Variants in EDIL3 observed in about 807,000 individuals in gnomAD.
EDIL3 encodes the protein EGF like and discoidin domains 3, also known as EGF-like repeat and discoidin I-like domain-containing protein 3.
In EDIL3, 37 loss-of-function variants were observed where a neutral mutation model predicts 67.4. The observed-to-expected ratio is 0.55, with a 90% CI of 0.42 to 0.72. The LOEUF is 0.72. EDIL3 is among the 30% of genes least tolerant of loss of function. The probability of loss-of-function intolerance (pLI) is 0.00; values close to 1 mark genes in which losing one functional copy is unlikely to be tolerated. For synonymous variants in EDIL3, 195 were observed against 196.3 expected (o/e 0.99, Z 0.05); for missense variants, 527 against 586.3 (o/e 0.90, Z 1.04).
intron 5 of EDIL3, among the ~76,000 whole-genome samples, chr5:84,116,501 C>G (rs1476370443): frequency 6.6e-6 from 1 of 152,094 alleles, no homozygotes; most frequent in Non-Finnish European, 1.5e-5. Context: ...CAATTAATTT[C>G]AAAGCCTGCT....
chr5:84,355,810 C>A (rs959271452), intron 1 of EDIL3, among the ~76,000 whole-genome samples: 1 of 152,140 alleles, frequency 6.6e-6, no homozygotes, highest in African/African-American at 2.4e-5. Context: ...AGAGCTCAAG[C>A]ACTGTGCTGG....
At chr5:84,033,602 G>A (rs1358773382) in intron 9 of EDIL3, among the ~76,000 whole-genome samples, 1 of 151,366 alleles carries the variant, frequency 6.6e-6, no homozygotes, top group Non-Finnish European at 1.5e-5. Context: ...TACTTGTGAG[G>A]TTGAGGTGGG....
At chr5:84,056,899 C>A (rs150031582) in intron 9 of EDIL3, among the ~76,000 whole-genome samples, 1 of 152,124 alleles carries the variant, frequency 6.6e-6, no homozygotes, top group Admixed American at 6.6e-5. Flanking sequence ...AAAAGAAAAT[C>A]ACCCCATACA....
chr5:84,352,381 A>G (rs1173084894), intron 1 of EDIL3, among the ~76,000 whole-genome samples: 1 of 152,174 alleles, frequency 6.6e-6, no homozygotes, highest in African/African-American at 2.4e-5. Flanking sequence ...CATGGAATCA[A>G]CCTGAGTGTC....
At chr5:84,364,802 G>A (rs1222932913) in intron 1 of EDIL3, among the ~76,000 whole-genome samples, 1 of 151,852 alleles carries the variant, frequency 6.6e-6, no homozygotes, top group Non-Finnish European at 1.5e-5. Flanking sequence ...TTAGAAATAG[G>A]TACAAATTGA....
intron 4 of EDIL3, among the ~76,000 whole-genome samples, chr5:84,137,690 G>A (rs1748118405): frequency 6.6e-6 from 1 of 152,130 alleles, no homozygotes. Flanking sequence ...ATAGAAAGAT[G>A]AATTGGTTTC....
intron 4 of EDIL3, among the ~76,000 whole-genome samples, chr5:84,163,045 C>T (rs570772417): frequency 1.4e-4 from 21 of 152,154 alleles, no homozygotes; most frequent in African/African-American, 5.1e-4. Context: ...GGAAAACAGA[C>T]AGTGGGCTTT....
intron 4 of EDIL3, among the ~76,000 whole-genome samples, chr5:84,159,721 A>G (rs1419356093): frequency 6.6e-6 from 1 of 152,068 alleles, no homozygotes; most frequent in East Asian, 1.9e-4. Context: ...TACAATAAAC[A>G]TTTTTAAAGC....
chr5:84,345,096 T>C (rs1222764997), intron 1 of EDIL3, among the ~76,000 whole-genome samples: 1 of 152,168 alleles, frequency 6.6e-6, no homozygotes, highest in East Asian at 1.9e-4. Context: ...TACACAGACA[T>C]AATTCTACAA....
At chr5:84,084,630 A>G (rs2112261672) in intron 6 of EDIL3, among the ~76,000 whole-genome samples, 1 of 152,340 alleles carries the variant, frequency 6.6e-6, no homozygotes, top group Admixed American at 6.5e-5. Context: ...AACAACTAAA[A>G]GTATTTAATT....
chr5:84,320,029 A>T (rs1247590102), intron 1 of EDIL3, among the ~76,000 whole-genome samples: 1 of 152,186 alleles, frequency 6.6e-6, no homozygotes, highest in East Asian at 1.9e-4. Context: ...GAGGGAAAGC[A>T]TTAGGAGAAA....
At chr5:84,077,931 A>G (rs1034816515) in intron 6 of EDIL3, among the ~76,000 whole-genome samples, 7 of 152,082 alleles carry the variant, frequency 4.6e-5, no homozygotes, top group Non-Finnish European at 8.8e-5. Context: ...AGCAAATGAT[A>G]TTAAAGGTAA....
At chr5:84,126,560 AT>A (rs1234981096) in intron 5 of EDIL3, among the ~76,000 whole-genome samples, 1 of 152,050 alleles carries the variant, frequency 6.6e-6, no homozygotes, top group Non-Finnish European at 1.5e-5. Context: ...TGTCAATGTT[AT>A]TTTACATTTG....
chr5:84,310,721 C>G (rs73769797), intron 1 of EDIL3, among the ~76,000 whole-genome samples: 4 of 152,160 alleles, frequency 2.6e-5, no homozygotes. Context: ...TATACACACC[C>G]AAACCTCACT....
At chr5:84,364,506 C>T (rs930755799) in intron 1 of EDIL3, among the ~76,000 whole-genome samples, 4 of 152,072 alleles carry the variant, frequency 2.6e-5, no homozygotes, top group Non-Finnish European at 5.9e-5. Context: ...GATCTTCATC[C>T]CTTGATGTTA....
At chr5:84,050,894 A>T (rs1746323937) in intron 9 of EDIL3, among the ~76,000 whole-genome samples, 1 of 152,228 alleles carries the variant, frequency 6.6e-6, no homozygotes, top group Admixed American at 6.5e-5. Context: ...GGGGCAGGGC[A>T]TAGCCGAACA....
chr5:84,229,138 T>C (rs1360607192), intron 3 of EDIL3, among the ~76,000 whole-genome samples: 1 of 152,174 alleles, frequency 6.6e-6, no homozygotes, highest in Non-Finnish European at 1.5e-5. Context: ...TCCCATTATA[T>C]TCTTATAATT....
intron 2 of EDIL3, among the ~76,000 whole-genome samples, chr5:84,251,391 C>G (rs1480402826): frequency 6.6e-6 from 1 of 150,784 alleles, no homozygotes; most frequent in East Asian, 2.0e-4. Flanking sequence ...GATTACCGAC[C>G]AGCGTGAGCC....
At chr5:84,325,448 C>A (rs561430195) in intron 1 of EDIL3, among the ~76,000 whole-genome samples, 140 of 151,862 alleles carry the variant, frequency 9.2e-4, no homozygotes, top group African/African-American at 3.2e-3. Context: ...CACCTCACAA[C>A]CATTAGGATG....
Sources: gnomAD v4.1 joint callset for allele counts (sites outside exome capture counted in the v4.1 genomes callset) on GRCh38, gnomAD v4.1.1 for gene constraint, MANE v1.5 for transcripts, NCBI Gene and HGNC (gene_info 2026-07-23, HGNC 2026-07-21) for gene names.